TDP2: variants seen among roughly 807,000 people sequenced by gnomAD.
The protein encoded by TDP2 is tyrosyl-DNA phosphodiesterase 2.
TDP2 carries 38 observed loss-of-function variants against 42.8 expected under a neutral mutation model. That is an observed-to-expected ratio of 0.89 (90% CI 0.68 to 1.16). The LOEUF is 1.16. Among genes scored for constraint, TDP2 ranks in the 50% most tolerant of loss-of-function variants. The pLI, the probability that TDP2 is intolerant of heterozygous loss-of-function variation, is 0.00. For missense variants in TDP2, 439 were observed against 439.3 expected (o/e 1.00, Z 0.01); for synonymous variants, 173 against 150.6 (o/e 1.15, Z -1.09).
At chr6:24,653,247 A>G (rs568933062) in intron 5 of TDP2, 94 bp from the exon 6 acceptor site, 8 of 1,281,394 alleles carry the variant, frequency 6.2e-6, no homozygotes, top group Admixed American at 3.8e-5. Context: ...CAAATGGTAT[A>G]TATTTACTAA....
At chr6:24,666,323 C>A in intron 2 of TDP2, 1 of 1,508,832 alleles carries the variant, frequency 6.6e-7, no homozygotes, top group South Asian at 1.3e-5. Flanking sequence ...TTCGAAGCGA[C>A]AGTCTGGTGC....
chr6:24,654,895 G>A (rs969087140), intron 4 of TDP2, among the ~76,000 whole-genome samples: 5 of 152,006 alleles, frequency 3.3e-5, no homozygotes, highest in Middle Eastern at 3.2e-3. Flanking sequence ...AAAATTAGTC[G>A]GGCGTGGTGG....
At chr6:24,651,862 C>T (rs1024053790) in intron 6 of TDP2, among the ~76,000 whole-genome samples, 16 of 152,234 alleles carry the variant, frequency 1.1e-4, no homozygotes, top group African/African-American at 3.9e-4. Flanking sequence ...GCTGGGATTA[C>T]AGGCATGAGC....
chr6:24,665,183 C>G (rs1778211062), intron 2 of TDP2, among the ~76,000 whole-genome samples: 3 of 152,334 alleles, frequency 2.0e-5, no homozygotes, highest in South Asian at 4.1e-4. Context: ...CTGCAGACCT[C>G]TGTTCTCAGC....
chr6:24,662,195 T>C (rs898201545), intron 2 of TDP2, among the ~76,000 whole-genome samples: 6 of 151,820 alleles, frequency 4.0e-5, no homozygotes, highest in African/African-American at 1.2e-4. Flanking sequence ...AATGGCCTCA[T>C]GAGAAGAGAA....
intron 6 of TDP2, among the ~76,000 whole-genome samples, chr6:24,652,422 G>A (rs995297178): frequency 6.6e-6 from 1 of 152,096 alleles, no homozygotes; most frequent in Non-Finnish European, 1.5e-5. Context: ...GTAATTCCAT[G>A]TTTAATTTTT....
rs61760186 is a variant in TDP2 at position 24,666,846 on chromosome 6, C to A, written c.17G>T (p.Cys6Phe). The A allele has an allele frequency of 3.9e-3, 6,363 of 1,613,966 alleles. 12 individuals carry two copies. Among genetic ancestry groups the A allele is most frequent in the Non-Finnish European group, 4.8e-3 (5,705 of 1,180,040 alleles). The change falls in exon 1 of 7, where the codon TGC (cysteine) becomes TTC (phenylalanine). Residue 6 changes from cysteine (C) to phenylalanine (F), a missense_variant. By Grantham distance (205) the Cys-to-Phe change is radical. Transcript: ENST00000378198. MELGSCLEGGREAAEE... is the reference protein window; with the variant it reads MELGSFLEGGREAAEE... ...CGCCGCCTCCCTCCCGCCCTCCAGG[C>A]AACTCCCCAACTCCATCTTCCTGCC...
chr6:24,655,351 G>A (rs1350231475), intron 4 of TDP2, among the ~76,000 whole-genome samples: 1 of 152,170 alleles, frequency 6.6e-6, no homozygotes, highest in African/African-American at 2.4e-5. Context: ...TTTATCAGAA[G>A]AGAAGGAAAC....
intron 2 of TDP2, chr6:24,666,056 G>C: frequency 1.3e-6 from 2 of 1,517,590 alleles, no homozygotes; most frequent in South Asian, 1.3e-5. Flanking sequence ...GCAGGAACTG[G>C]AGAGGGGCAC....
At chr6:24,665,234 G>A (rs1192783875) in intron 2 of TDP2, among the ~76,000 whole-genome samples, 1 of 152,170 alleles carries the variant, frequency 6.6e-6, no homozygotes, top group Non-Finnish European at 1.5e-5. Flanking sequence ...ATCCTCACAG[G>A]TGCTAAGTTA....
chr6:24,655,431 CACTT>C (rs1778047200), intron 4 of TDP2, among the ~76,000 whole-genome samples: 1 of 152,136 alleles, frequency 6.6e-6, no homozygotes, highest in African/African-American at 2.4e-5. Context: ...AATCTGGAAA[CACTT>C]AGTGCTTGAA....
In TDP2 at chr6:24,666,742, C is replaced by G; in HGVS notation, c.121G>C (p.Ala41Pro). 6.2e-7 allele frequency: 1 copy of G among 1,614,256 alleles called. No individual in the cohort carries two copies. The highest frequency in any genetic ancestry group is 8.5e-7 in the Non-Finnish European group (1 of 1,180,042). ...TCGGCCAGGAAGCACTGAGCCACTGCGGCATCGCAGCTTGCGACCGAGGCA... is the reference window on the plus strand; with the variant it reads ...TCGGCCAGGAAGCACTGAGCCACTGGGGCATCGCAGCTTGCGACCGAGGCA... ...EFASVASCDA[A>P]VAQCFLAEND... The change falls in exon 1 of 7, where the codon GCA (alanine) becomes CCA (proline). Residue 41 changes from alanine to proline, a missense_variant. Coordinates refer to ENST00000378198, the MANE Select transcript of TDP2 (RefSeq NM_016614.3).
chr6:24,657,534 C>G (rs1015951029), intron 4 of TDP2, among the ~76,000 whole-genome samples: 3 of 152,058 alleles, frequency 2.0e-5, no homozygotes, highest in African/African-American at 7.2e-5. Flanking sequence ...TCAGTTAAAA[C>G]TTTTAACAAC....
Position 24,666,514 on chromosome 6 carries a change from C to G in TDP2, c.251+12G>C, listed in dbSNP as rs185298008. On this transcript the variant is annotated intron_variant, in intron 2 of 6. Transcript: ENST00000378198. ...TCCGTGCGGACTGGCTCCCGCTCCCCTCATCACTTACTAGGTCTTGGGCTC... is the reference window on the plus strand; with the variant it reads ...TCCGTGCGGACTGGCTCCCGCTCCCGTCATCACTTACTAGGTCTTGGGCTC... The G allele has an allele frequency of 6.8e-6, 11 of 1,613,558 alleles. No individual in the cohort carries two copies. Among genetic ancestry groups the G allele is most frequent in the East Asian group, 2.2e-5 (1 of 44,868 alleles).
rs1037727835 is a variant in TDP2 at position 24,654,477 on chromosome 6, A to C, written c.571T>G (p.Leu191Val). The change falls in exon 5 of 7, where the codon TTA becomes GTA. Residue 191 changes from leucine to valine, a missense_variant. Physicochemically the swap from Leu to Val is conservative, Grantham distance 32. Transcript: ENST00000378198. The part of the protein sequence containing the change: ...AIMLKKSRVK[L>V]KSQEIIPFPS... Reference sequence around the variant, plus strand: ...AAAGGAATAATCTCTTGGCTTTTTAATTTCACTCTTGATTTCTTCAACATT... The same window carrying C: ...AAAGGAATAATCTCTTGGCTTTTTACTTTCACTCTTGATTTCTTCAACATT... 1.9e-6 allele frequency: 3 copies of C among 1,590,830 alleles called. No homozygotes were observed. In the African/African-American group the frequency reaches 4.0e-5, roughly 21 times the overall value.
chr6:24,664,238 G>A (rs1316644621), intron 2 of TDP2, among the ~76,000 whole-genome samples: 2 of 151,550 alleles, frequency 1.3e-5, no homozygotes, highest in African/African-American at 2.4e-5. Flanking sequence ...GCAGTGGCAC[G>A]CTGCTGGTCC....
chr6:24,652,606 G>A (rs1777992322), intron 6 of TDP2, among the ~76,000 whole-genome samples: 1 of 152,032 alleles, frequency 6.6e-6, no homozygotes. Context: ...AGAGAGTCAG[G>A]AACAATTATC....
At position 24,658,584 on chromosome 6, in the gene TDP2, T is replaced by G. The variant is rs778941478; in HGVS notation, c.402A>C (p.Arg134=). 1 of 1,612,964 alleles carries G rather than the reference T, an allele frequency of 6.2e-7. No individual in the cohort carries two copies. The change falls in exon 3 of 7, where the codon CGA becomes CGC. Residue 134 remains arginine (R), a synonymous_variant. Transcript: ENST00000378198. The part of the protein sequence containing the change: ...LDLNNLSERA[R]GVCSYLALYS... The stretch of plus-strand genomic sequence containing the variant: ...ACAAAGCTAAGTAGGAACACACCCC[T>G]CGAGCCCTCTCTGACAGATTGTTTA...
In TDP2 at chr6:24,653,268, T is replaced by A. The variant is rs548673779; in HGVS notation, c.637-115A>T. 23 of 1,080,354 alleles carry A rather than the reference T, an allele frequency of 2.1e-5. No individual in the cohort carries two copies. The African/African-American group carries it at 2.5e-4, about 12-fold the overall frequency. The allele number at this position is 1,080,354 out of a possible 1,614,324, so 66.9% of individuals were successfully genotyped here. A position where few individuals can be genotyped will look rare whatever the true frequency, so the allele number is the denominator to read the frequency against. Reference sequence around the variant, plus strand: ...GTATATATTTACTAAACTGAAACTGTAAAATCAGCACTATGCCTATCCCTC... The same window carrying A: ...GTATATATTTACTAAACTGAAACTGAAAAATCAGCACTATGCCTATCCCTC... On this transcript the variant is annotated intron_variant, in intron 5 of 6. Coordinates refer to ENST00000378198, the MANE Select transcript of TDP2 (RefSeq NM_016614.3).
Sources: gnomAD v4.1 joint callset for allele counts (sites outside exome capture counted in the v4.1 genomes callset) on GRCh38, gnomAD v4.1.1 for gene constraint, MANE v1.5 for transcripts, NCBI Gene and HGNC (gene_info 2026-07-23, HGNC 2026-07-21) for gene names.